The following IMPG1 variants were observed in gnomAD, a reference collection of about 807,000 sequenced individuals.
IMPG1 encodes interphotoreceptor matrix proteoglycan 1.
A neutral mutation model predicts 92.0 loss-of-function variants in IMPG1; 85 were observed. That is an observed-to-expected ratio of 0.92 (90% CI 0.78 to 1.11). The LOEUF (loss-of-function observed/expected upper bound fraction) is 1.11. IMPG1 is among the 50% of genes least tolerant of loss of function. The pLI is 0.00. For missense variants in IMPG1, 1,022 were observed against 956.0 expected (o/e 1.07, Z -0.91); for synonymous variants, 367 against 334.1 (o/e 1.10, Z -1.08).
intron 14 of IMPG1, among the ~76,000 whole-genome samples, chr6:75,941,450 T>C (rs1483395969): frequency 6.6e-6 from 1 of 152,378 alleles, no homozygotes; most frequent in African/African-American, 2.4e-5. Context: ...CCTGCTTTTG[T>C]ACAACAGGCA....
At chr6:75,965,202 T>C (rs962428304) in intron 12 of IMPG1, among the ~76,000 whole-genome samples, 7 of 152,190 alleles carry the variant, frequency 4.6e-5, no homozygotes, top group Non-Finnish European at 2.9e-5. Context: ...TCTTTCTCTA[T>C]AATAAATGCT....
chr6:75,988,497 A>C (rs537185901), intron 12 of IMPG1, among the ~76,000 whole-genome samples: 1 of 152,232 alleles, frequency 6.6e-6, no homozygotes, highest in Non-Finnish European at 1.5e-5. Context: ...AATTTGTTTA[A>C]GTTTTTTGTA....
chr6:75,975,759 C>T lies in IMPG1; in HGVS notation c.1292-24665G>A, dbSNP rs145466599. Among the ~76,000 whole-genome samples, 209 of 152,224 alleles carry T rather than the reference C, an allele frequency of 1.4e-3. 1 individual carries two copies. Among genetic ancestry groups the T allele is most frequent in the African/African-American group, 5.0e-3 (206 of 41,550 alleles). ...CAAACTTTTTCTGACAAGGGCCAAA[C>T]GATAAATATTTTAGGCTGTATAGAC... On this transcript the variant is annotated intron_variant, in intron 12 of 16. Coordinates refer to ENST00000369950, the MANE Select transcript of IMPG1 (RefSeq NM_001563.4).
At chr6:76,028,308 C>T (rs1042475096) in intron 4 of IMPG1, among the ~76,000 whole-genome samples, 12 of 152,056 alleles carry the variant, frequency 7.9e-5, no homozygotes, top group Admixed American at 2.0e-4. Context: ...AACAGGTGCT[C>T]GCAAATACAT....
At position 75,958,941 on chromosome 6, in the gene IMPG1, GGAAGAGAATA is replaced by G. The variant is rs1350203015; in HGVS notation, c.1292-7857_1292-7848del. Among the ~76,000 whole-genome samples the G allele has an allele frequency of 3.3e-5, 5 of 152,114 alleles. No homozygotes were observed. The East Asian group carries it at 9.7e-4, about 30-fold the overall frequency. On this transcript the variant is annotated intron_variant, in intron 12 of 16. Transcript: ENST00000369950. ...TGGTGATGACAAGTTGCGATCCTTT[GGAAGAGAATA>G]GGCATTCTGATTTTTGGAATTTTCA...
At chr6:75,986,031 A>G (rs1295754571) in intron 12 of IMPG1, among the ~76,000 whole-genome samples, 2 of 152,216 alleles carry the variant, frequency 1.3e-5, no homozygotes, top group Non-Finnish European at 2.9e-5. Context: ...CTGTCACAAA[A>G]TAGTGCAATA....
At chr6:76,019,349 C>T (rs1458415986) in intron 6 of IMPG1, among the ~76,000 whole-genome samples, 1 of 152,104 alleles carries the variant, frequency 6.6e-6, no homozygotes, top group Admixed American at 6.6e-5. Flanking sequence ...ACCTTGGATA[C>T]CCAGAAGATA....
rs1232332192 is a variant in IMPG1, at chr6:75,922,005, T to C, written c.*84A>G. ...TGTATGTCTGGATTTTGATGACCCATGAATATGCCTGTCTCCATTTTCCTT... is the reference window on the plus strand; with the variant it reads ...TGTATGTCTGGATTTTGATGACCCACGAATATGCCTGTCTCCATTTTCCTT... On this transcript the variant is annotated 3_prime_UTR_variant, in exon 17 of 17. Transcript: ENST00000369950. 1.4e-6 allele frequency: 1 copy of C among 692,400 alleles called. No individual in the cohort carries two copies. Among genetic ancestry groups the C allele is most frequent in the African/African-American group, 1.8e-5 (1 of 56,356 alleles). 42.9% of individuals were successfully genotyped at this position (692,400 alleles called of 1,614,324 possible).
At chr6:75,977,028 G>C (rs1782549187) in intron 12 of IMPG1, among the ~76,000 whole-genome samples, 1 of 152,030 alleles carries the variant, frequency 6.6e-6, no homozygotes, top group South Asian at 2.1e-4. Flanking sequence ...CTAATGTGTA[G>C]TCATGATTGA....
In IMPG1 at chr6:75,921,880, T is replaced by C. The variant is rs1168601314; in HGVS notation, c.*209A>G. On this transcript the variant is annotated 3_prime_UTR_variant, in exon 17 of 17. Transcript: ENST00000369950. Reference sequence around the variant, plus strand: ...GTTTCGCTGATTGCATTTGGGGTTTTAATAATAAGTAAGTGTCTTTTTCTT... The same window carrying C: ...GTTTCGCTGATTGCATTTGGGGTTTCAATAATAAGTAAGTGTCTTTTTCTT... The C allele has an allele frequency of 2.5e-6, 1 of 398,818 alleles. No individual in the cohort carries two copies. Among genetic ancestry groups the C allele is most frequent in the East Asian group, 5.0e-5 (1 of 20,084 alleles). 24.7% of individuals were successfully genotyped at this position (398,818 alleles called of 1,614,324 possible).
intron 12 of IMPG1, among the ~76,000 whole-genome samples, chr6:75,981,129 C>T (rs1328676571): frequency 6.6e-6 from 1 of 152,178 alleles, no homozygotes; most frequent in Non-Finnish European, 1.5e-5. Flanking sequence ...TTTTCTTCTG[C>T]CCTCAAGCCT....
At position 75,965,828 on chromosome 6, in the gene IMPG1, C is replaced by G. The variant is rs146934691; in HGVS notation, c.1292-14734G>C. Among the ~76,000 whole-genome samples, 118 of 152,138 alleles carry G rather than the reference C, an allele frequency of 7.8e-4. 1 individual carries two copies. The highest frequency in any genetic ancestry group is 6.8e-3 in the Middle Eastern group (2 of 294). On this transcript the variant is annotated intron_variant, in intron 12 of 16. Coordinates refer to ENST00000369950, the MANE Select transcript of IMPG1 (RefSeq NM_001563.4). The stretch of plus-strand genomic sequence containing the variant: ...TTCACCGTGTTAGCCAGGATGGTCT[C>G]GATCTCCTGACCTTGTGATCTGCCC...
At chr6:76,069,332 A>G (rs887229277) in intron 1 of IMPG1, among the ~76,000 whole-genome samples, 3 of 152,242 alleles carry the variant, frequency 2.0e-5, no homozygotes, top group South Asian at 2.1e-4. Flanking sequence ...TTAGTTACTG[A>G]GAACTCAAAA....
At chr6:76,059,825 T>C (rs1176278856) in intron 1 of IMPG1, among the ~76,000 whole-genome samples, 4 of 152,194 alleles carry the variant, frequency 2.6e-5, no homozygotes, top group African/African-American at 9.6e-5. Flanking sequence ...TTAACATAAT[T>C]ACTGTCCGCA....
chr6:76,010,668 C>T (rs559488739), intron 8 of IMPG1, among the ~76,000 whole-genome samples: 1 of 152,122 alleles, frequency 6.6e-6, no homozygotes, highest in Non-Finnish European at 1.5e-5. Flanking sequence ...GCTCCTATTC[C>T]TTTCCACCCC....
chr6:75,922,172 A>C lies in IMPG1; in HGVS notation c.2317-6T>G. The C allele has an allele frequency of 8.1e-7, 1 of 1,227,350 alleles. No homozygotes were observed. Among genetic ancestry groups the C allele is most frequent in the East Asian group, 2.4e-5 (1 of 41,696 alleles). The allele number at this position is 1,227,350 out of a possible 1,614,324, so 76.0% of individuals were successfully genotyped here. On this transcript the variant is annotated splice_polypyrimidine_tract_variant and splice_region_variant and intron_variant, in intron 16 of 16. Transcript: ENST00000369950. ...GAATTTCTTTTACTGATTACCTGAA[A>C]GAGAAATAGTTTTAAGAACTTAAGA...
At chr6:76,030,754 C>T (rs1233871531) in intron 4 of IMPG1, among the ~76,000 whole-genome samples, 2 of 152,156 alleles carry the variant, frequency 1.3e-5, no homozygotes, top group African/African-American at 4.8e-5. Context: ...AAATCAGCAG[C>T]CCCTGTCAGC....
intron 12 of IMPG1, among the ~76,000 whole-genome samples, chr6:75,958,272 T>C (rs1175209147): frequency 6.6e-6 from 1 of 152,224 alleles, no homozygotes; most frequent in African/African-American, 2.4e-5. Flanking sequence ...TCTGATGGGC[T>C]TCCCTTTGTG....
At chr6:76,045,441 CT>C (rs10700038) in intron 1 of IMPG1, among the ~76,000 whole-genome samples, 1,811 of 122,394 alleles carry the variant, frequency 0.015, 25 homozygotes, top group African/African-American at 0.044. Context: ...CAACCTCCAT[CT>C]TTTTTTTTTT....
Sources: allele counts gnomAD v4.1 joint callset (sites outside exome capture counted in the v4.1 genomes callset), GRCh38; gene constraint gnomAD v4.1.1; transcripts MANE v1.5; gene names NCBI Gene and HGNC (gene_info 2026-07-23, HGNC 2026-07-21).